SEL1L: variants seen among roughly 807,000 people sequenced by gnomAD.
SEL1L encodes protein sel-1 homolog 1.
In SEL1L, 52 loss-of-function variants were observed where a neutral mutation model predicts 109.8. The observed-to-expected ratio is 0.47, with a 90% CI of 0.38 to 0.60. The LOEUF (loss-of-function observed/expected upper bound fraction) is 0.60. Ranked by LOEUF, SEL1L falls within the 20% of genes least tolerant of loss-of-function variation. The pLI is 0.00. For synonymous variants in SEL1L, 373 were observed against 339.6 expected, an observed-to-expected ratio of 1.10 and a Z score of -1.08; for missense variants, 749 against 962.2, an observed-to-expected ratio of 0.78 and a Z score of 2.93.
intron 9 of SEL1L, 183 bp downstream of exon 9, chr14:81,498,230 A>G: frequency 1.2e-6 from 1 of 834,324 alleles, no homozygotes; most frequent in Non-Finnish European, 1.8e-6. Flanking sequence ...TTCACAACGT[A>G]AATAGAACCT....
intron 3 of SEL1L, among the ~76,000 whole-genome samples, chr14:81,508,981 C>A (rs1295273038): frequency 6.6e-6 from 1 of 152,120 alleles, no homozygotes; most frequent in East Asian, 1.9e-4. Flanking sequence ...TCAGCACTGA[C>A]ATAAGGAGGA....
intron 3 of SEL1L, among the ~76,000 whole-genome samples, chr14:81,507,938 A>G (rs567975874): frequency 1.3e-5 from 2 of 152,350 alleles, no homozygotes; most frequent in African/African-American, 4.8e-5. Flanking sequence ...TGAGCAAATT[A>G]TTTAATCTCT....
At chr14:81,506,767 T>C (rs893314926) in intron 3 of SEL1L, among the ~76,000 whole-genome samples, 10 of 152,198 alleles carry the variant, frequency 6.6e-5, no homozygotes, top group African/African-American at 1.4e-4. Context: ...CTAGTTCCCA[T>C]TGGACTTTGA....
intron 1 of SEL1L, among the ~76,000 whole-genome samples, chr14:81,531,812 G>T (rs1020060426): frequency 6.6e-6 from 1 of 152,084 alleles, no homozygotes; most frequent in African/African-American, 2.4e-5. Flanking sequence ...CAAAGTGCTG[G>T]GATTACAGGT....
intron 1 of SEL1L, among the ~76,000 whole-genome samples, chr14:81,530,071 T>C (rs1170320339): frequency 6.6e-6 from 1 of 152,266 alleles, no homozygotes; most frequent in Non-Finnish European, 1.5e-5. Context: ...TTTATTGTAT[T>C]AGCTAACAAA....
intron 3 of SEL1L, among the ~76,000 whole-genome samples, chr14:81,512,006 C>A (rs1056865049): frequency 3.9e-5 from 6 of 152,146 alleles, no homozygotes; most frequent in Non-Finnish European, 7.4e-5. Flanking sequence ...TTTTCATTTG[C>A]AAACTTATTT....
At chr14:81,514,512 A>C (rs1884619283) in intron 3 of SEL1L, among the ~76,000 whole-genome samples, 1 of 152,220 alleles carries the variant, frequency 6.6e-6, no homozygotes, top group African/African-American at 2.4e-5. Context: ...TTTGGGGTCT[A>C]GGAGGACAGA....
At chr14:81,506,025 C>A in intron 4 of SEL1L, 49 bp downstream of exon 4, 1 of 1,580,268 alleles carries the variant, frequency 6.3e-7, no homozygotes, top group Non-Finnish European at 8.6e-7. Context: ...AAAAACATTG[C>A]CCTAGACATA....
intron 3 of SEL1L, among the ~76,000 whole-genome samples, chr14:81,506,733 T>C (rs528508210): frequency 6.6e-6 from 1 of 152,354 alleles, no homozygotes; most frequent in East Asian, 1.9e-4. Context: ...ATCACATGTA[T>C]GGAAGTTACT....
intron 3 of SEL1L, among the ~76,000 whole-genome samples, chr14:81,517,783 C>G (rs1487213941): frequency 2.6e-5 from 4 of 152,072 alleles, no homozygotes; most frequent in African/African-American, 9.7e-5. Flanking sequence ...GGGGAAGCTG[C>G]AAAAAAATGT....
Position 81,504,192 on chromosome 14 carries a change from G to T in SEL1L, c.614+9C>A. Reference sequence around the variant, plus strand: ...ATGGGGGAAAAGTGGACTTAGCAGTGCTACCTACTCTCTTTTTTGGCTTTT... The same window carrying T: ...ATGGGGGAAAAGTGGACTTAGCAGTTCTACCTACTCTCTTTTTTGGCTTTT... On this transcript the variant is annotated intron_variant, in intron 5 of 20. Coordinates refer to ENST00000336735, the MANE Select transcript of SEL1L (RefSeq NM_005065.6). 6.4e-7 allele frequency: 1 copy of T among 1,552,612 alleles called. No individual in the cohort carries two copies. Among genetic ancestry groups the T allele is most frequent in the Admixed American group, 1.8e-5 (1 of 54,876 alleles).
chr14:81,510,514 C>CTCTCTCTCTCTATATATA (rs35474067), intron 3 of SEL1L, among the ~76,000 whole-genome samples: 101 of 104,068 alleles, frequency 9.7e-4, no homozygotes, highest in African/African-American at 1.8e-3. Context: ...CTCTCTCTCT[C>CTCTCTCTCTCTATATATA]TATATATATA....
At chr14:81,515,344 G>A (rs113849472) in intron 3 of SEL1L, among the ~76,000 whole-genome samples, 124 of 152,340 alleles carry the variant, frequency 8.1e-4, no homozygotes, top group African/African-American at 2.9e-3. Context: ...GATCTCACTT[G>A]GAGAGATGTT....
At chr14:81,508,387 C>T (rs1884325805) in intron 3 of SEL1L, among the ~76,000 whole-genome samples, 1 of 151,996 alleles carries the variant, frequency 6.6e-6, no homozygotes, top group Non-Finnish European at 1.5e-5. Context: ...ATTCTGACTA[C>T]AGAATTTGGA....
At chr14:81,512,746 C>G (rs913467398) in intron 3 of SEL1L, among the ~76,000 whole-genome samples, 3 of 152,166 alleles carry the variant, frequency 2.0e-5, no homozygotes, top group Non-Finnish European at 4.4e-5. Context: ...AAAACCTGTT[C>G]CTTTTAAAAT....
chr14:81,478,308 T>C (rs1348060745), intron 20 of SEL1L, among the ~76,000 whole-genome samples: 2 of 152,206 alleles, frequency 1.3e-5, no homozygotes, highest in African/African-American at 2.4e-5. Context: ...TCTGTACTGT[T>C]TGACTTTCTT....
At chr14:81,489,147 A>G (rs555640479) in intron 14 of SEL1L, 105 bp downstream of exon 14, 61 of 970,104 alleles carry the variant, frequency 6.3e-5, no homozygotes, top group Middle Eastern at 2.5e-4. Flanking sequence ...CTTTGCTTAC[A>G]ATGGAACAGC....
chr14:81,498,036 A>T lies in SEL1L; in HGVS notation c.984T>A (p.Asp328Glu). Residue 328 changes from aspartate (D) to glutamate (E), a missense_variant, in exon 10 of 21, where the codon GAT (aspartate) becomes GAA (glutamate). By Grantham distance (45) the Asp-to-Glu change is conservative (BLOSUM62 2). This residue lies in a region of SEL1L where 366 missense variants were observed against 399.8 expected (regional missense o/e 0.92). Transcript: ENST00000336735. Reference sequence around the variant, plus strand: ...CTACTGAGCCTCCTGTTAGCGAGATATCACTAGCAACTGAAATAGAGGGAT... The same window carrying T: ...CTACTGAGCCTCCTGTTAGCGAGATTTCACTAGCAACTGAAATAGAGGGAT... ...YRLVANHVAS[D>E]ISLTGGSVVQ... 2 of 1,612,576 alleles carry T rather than the reference A, an allele frequency of 1.2e-6. No individual in the cohort carries two copies. The highest frequency in any genetic ancestry group is 1.7e-6 in the Non-Finnish European group (2 of 1,179,560).
chr14:81,518,310 A>G (rs1884780325), intron 3 of SEL1L, among the ~76,000 whole-genome samples: 1 of 151,512 alleles, frequency 6.6e-6, no homozygotes, highest in South Asian at 2.1e-4. Flanking sequence ...AAAAAAAAAA[A>G]GTTAATACAG....
Sources: allele counts gnomAD v4.1 joint callset (sites outside exome capture counted in the v4.1 genomes callset), GRCh38; gene constraint gnomAD v4.1.1; regional missense constraint gnomAD v4.1.1; transcripts MANE v1.5; gene names NCBI Gene and HGNC (gene_info 2026-07-23, HGNC 2026-07-21).